The following BACE2 variants were observed in gnomAD, a reference collection of about 807,000 sequenced individuals.
BACE2 encodes 56 kDa aspartic-like protease.
A neutral mutation model predicts 46.2 loss-of-function variants in BACE2; 17 were observed. The observed-to-expected ratio is 0.37, with a 90% CI of 0.25 to 0.55. The LOEUF (loss-of-function observed/expected upper bound fraction) is 0.55, where lower values mean the gene tolerates loss of function less well. BACE2 is among the 20% of genes least tolerant of loss of function. The probability of loss-of-function intolerance (pLI) is 0.82; values close to 1 mark genes in which losing one functional copy is unlikely to be tolerated. For synonymous variants in BACE2, 277 were observed against 295.9 expected, an observed-to-expected ratio of 0.94 and a Z score of 0.66; for missense variants, 595 against 698.1, an observed-to-expected ratio of 0.85 and a Z score of 1.66.
intron 1 of BACE2, among the ~76,000 whole-genome samples, chr21:41,211,605 C>T (rs1052171388): frequency 1.3e-5 from 2 of 152,226 alleles, no homozygotes; most frequent in Non-Finnish European, 2.9e-5. Flanking sequence ...AACAGCCCCG[C>T]GTGGCTGGGC....
chr21:41,237,162 G>T (rs117732685), intron 2 of BACE2, among the ~76,000 whole-genome samples: 1 of 152,134 alleles, frequency 6.6e-6, no homozygotes, highest in Non-Finnish European at 1.5e-5. Context: ...AATGCAAGGG[G>T]CTTAGCCGGG....
intron 3 of BACE2, among the ~76,000 whole-genome samples, chr21:41,241,344 G>C (rs2297273): frequency 6.6e-6 from 1 of 152,098 alleles, no homozygotes; most frequent in Non-Finnish European, 1.5e-5. Flanking sequence ...TCTGGGGTCC[G>C]GGGGATACTG....
At chr21:41,199,405 G>T (rs1247014696) in intron 1 of BACE2, among the ~76,000 whole-genome samples, 1 of 152,102 alleles carries the variant, frequency 6.6e-6, no homozygotes, top group Non-Finnish European at 1.5e-5. Flanking sequence ...CTGCTCGGGG[G>T]TCTGCAAGAT....
chr21:41,220,221 T>A (rs1050598226), intron 1 of BACE2, among the ~76,000 whole-genome samples: 3 of 152,214 alleles, frequency 2.0e-5, no homozygotes, highest in African/African-American at 4.8e-5. Flanking sequence ...GCCCCCCCTG[T>A]ACACGCCACC....
chr21:41,210,559 T>A (rs1023611933), intron 1 of BACE2, among the ~76,000 whole-genome samples: 4 of 152,146 alleles, frequency 2.6e-5, no homozygotes, highest in Non-Finnish European at 5.9e-5. Flanking sequence ...ATCAGCCAGA[T>A]TCAAATGACT....
At chr21:41,237,864 A>C in intron 3 of BACE2, 135 bp downstream of exon 3, 1 of 659,588 alleles carries the variant, frequency 1.5e-6, no homozygotes, top group African/African-American at 1.8e-5. Context: ...ACAGACCAGC[A>C]TTCACACAAT....
chr21:41,246,381 A>G (rs1174170724), intron 6 of BACE2: 1 of 165,750 alleles, frequency 6.0e-6, no homozygotes, highest in Non-Finnish European at 1.3e-5. Flanking sequence ...AATGCCCTCT[A>G]GTATTTCAAA....
At chr21:41,199,191 C>T (rs574802238) in intron 1 of BACE2, among the ~76,000 whole-genome samples, 2 of 151,992 alleles carry the variant, frequency 1.3e-5, no homozygotes, top group African/African-American at 4.8e-5. Context: ...AACAGGAACC[C>T]TCTCAGAGGT....
chr21:41,254,435 C>A (rs9975388), intron 7 of BACE2, among the ~76,000 whole-genome samples: 104,241 of 151,954 alleles, frequency 0.69, 36,020 homozygotes, highest in East Asian at 0.92. Flanking sequence ...TCTGTGTATT[C>A]GTGTGTCTGC....
At chr21:41,195,184 G>A (rs1347667244) in intron 1 of BACE2, among the ~76,000 whole-genome samples, 1 of 152,254 alleles carries the variant, frequency 6.6e-6, no homozygotes, top group Non-Finnish European at 1.5e-5. Context: ...CACTGCAATG[G>A]CAGAGGTGAG....
chr21:41,247,652 G>C (rs1987511529), intron 6 of BACE2, among the ~76,000 whole-genome samples: 1 of 152,250 alleles, frequency 6.6e-6, no homozygotes, highest in South Asian at 2.1e-4. Flanking sequence ...GCCGTGAGAG[G>C]CGGGGCGGCG....
rs748840037 is a variant in BACE2, at chr21:41,226,319, G to A, written c.366G>A (p.Pro122=). 64 of 1,613,752 alleles carry A rather than the reference G, an allele frequency of 4.0e-5. No homozygotes were observed. The highest frequency in any genetic ancestry group is 3.8e-4 in the East Asian group (17 of 44,880). ...GSSNFAVAGT[P]HSYIDTYFDT... ...GTAACTTTGCCGTGGCAGGAACCCC[G>A]CACTCCTACATAGACACGTACTTTG... Residue 122 remains proline, a synonymous_variant, in exon 2 of 9, where the codon CCG becomes CCA. Coordinates refer to ENST00000330333, the MANE Select transcript of BACE2 (RefSeq NM_012105.5).
intron 6 of BACE2, among the ~76,000 whole-genome samples, chr21:41,247,532 A>G (rs117619817): frequency 0.018 from 2,797 of 152,354 alleles, 38 homozygotes; most frequent in Non-Finnish European, 0.029. Flanking sequence ...AATTAACGGG[A>G]GTATCTTCCA....
chr21:41,231,819 G>A (rs555630480), intron 2 of BACE2, among the ~76,000 whole-genome samples: 1 of 152,298 alleles, frequency 6.6e-6, no homozygotes, highest in South Asian at 2.1e-4. Context: ...ATTGTGCAGA[G>A]CAATTGAGAG....
In BACE2 at chr21:41,168,426, C is replaced by A; in HGVS notation, c.163C>A (p.Arg55Ser). ...PTPGPGTPAE[R>S]HADGLALALE... The stretch of plus-strand genomic sequence containing the variant: ...CCCGGGACCCGGGACCCCTGCCGAG[C>A]GCCACGCCGACGGCTTGGCGCTCGC... Residue 55 changes from arginine (R) to serine (S), a missense_variant, in exon 1 of 9, where the codon CGC becomes AGC. Physicochemically the swap from Arg to Ser is moderately radical, Grantham distance 110. Transcript: ENST00000330333. 1 of 1,398,982 alleles carries A rather than the reference C, an allele frequency of 7.1e-7. No individual in the cohort carries two copies. Among genetic ancestry groups the A allele is most frequent in the Non-Finnish European group, 9.3e-7 (1 of 1,074,480 alleles). The allele number at this position is 1,398,982 out of a possible 1,614,324, so 86.7% of individuals were successfully genotyped here. A position where few individuals can be genotyped will look rare whatever the true frequency, so the allele number is the denominator to read the frequency against.
intron 1 of BACE2, among the ~76,000 whole-genome samples, chr21:41,187,957 A>G (rs757029737): frequency 1.3e-5 from 2 of 152,244 alleles, no homozygotes; most frequent in African/African-American, 2.4e-5. Context: ...TTTACTACGT[A>G]GTAGTTCCTT....
intron 1 of BACE2, among the ~76,000 whole-genome samples, chr21:41,217,893 C>T (rs1450411557): frequency 1.3e-5 from 2 of 152,198 alleles, no homozygotes; most frequent in Non-Finnish European, 2.9e-5. Context: ...TGAGGGCTGC[C>T]AGCCCCTACC....
intron 8 of BACE2, among the ~76,000 whole-genome samples, chr21:41,258,837 A>G (rs1356253807): frequency 1.3e-5 from 2 of 152,042 alleles, no homozygotes; most frequent in Non-Finnish European, 2.9e-5. Context: ...CATGTTTTTT[A>G]TCTTTGCTAT....
At chr21:41,200,037 T>A (rs1251282860) in intron 1 of BACE2, among the ~76,000 whole-genome samples, 1 of 79,696 alleles carries the variant, frequency 1.3e-5, no homozygotes, top group South Asian at 5.3e-4. Context: ...CAGGGCCTGT[T>A]GTGGGGTGGG....
Sources: allele counts gnomAD v4.1 joint callset (sites outside exome capture counted in the v4.1 genomes callset), GRCh38; gene constraint gnomAD v4.1.1; transcripts MANE v1.5; gene names NCBI Gene and HGNC (gene_info 2026-07-23, HGNC 2026-07-21).